XPNPEP1: variants seen among roughly 807,000 people sequenced by gnomAD.
XPNPEP1 encodes the protein xaa-Pro aminopeptidase 1.
XPNPEP1 carries 39 observed loss-of-function variants against 92.4 expected under a neutral mutation model. The ratio of observed to expected loss-of-function variants is 0.42; its 90% confidence interval spans 0.33 to 0.55. XPNPEP1 has a LOEUF of 0.55. Ranked by LOEUF, XPNPEP1 falls within the 20% of genes least tolerant of loss-of-function variation. The pLI, the probability that XPNPEP1 is intolerant of heterozygous loss-of-function variation, is 0.08. For synonymous variants in XPNPEP1, 307 were observed against 299.4 expected (o/e 1.03, Z -0.26); for missense variants, 654 against 856.1 (o/e 0.76, Z 2.95).
chr10:109,870,662 A>G, intron 18 of XPNPEP1, 69 bp downstream of exon 18: 1 of 1,516,496 alleles, frequency 6.6e-7, no homozygotes, highest in Non-Finnish European at 8.8e-7. Flanking sequence ...ATTAAAAAAT[A>G]CAAAACAACG....
At chr10:109,890,151 G>A (rs1341487390) in intron 5 of XPNPEP1, among the ~76,000 whole-genome samples, 1 of 152,144 alleles carries the variant, frequency 6.6e-6, no homozygotes, top group Non-Finnish European at 1.5e-5. Context: ...GAGGAGAGGA[G>A]GACTCACTCC....
Position 109,865,107 on chromosome 10 carries a change from G to C in XPNPEP1, c.*77C>G. ...AGGTAGGGAAGAAGGAAAGGAAAGG[G>C]GAAAGATGTCAGGGATCTGCCACGT... On this transcript the variant is annotated 3_prime_UTR_variant, in exon 21 of 21. Transcript: ENST00000502935. 1.3e-6 allele frequency: 2 copies of C among 1,591,324 alleles called. No homozygotes were observed. Among genetic ancestry groups the C allele is most frequent in the Non-Finnish European group, 1.7e-6 (2 of 1,164,076 alleles).
chr10:109,871,231 C>T (rs1274338606), intron 17 of XPNPEP1, among the ~76,000 whole-genome samples: 1 of 152,034 alleles, frequency 6.6e-6, no homozygotes, highest in East Asian at 1.9e-4. Flanking sequence ...GAGACTCTAA[C>T]CAGACTGCAA....
intron 15 of XPNPEP1, 36 bp downstream of exon 15, chr10:109,875,492 C>A (rs1847736406): frequency 1.2e-6 from 2 of 1,605,086 alleles, no homozygotes; most frequent in African/African-American, 2.7e-5. Context: ...GCCTCGAATC[C>A]ATAGTCAAGT....
At chr10:109,914,868 T>C (rs1384350894) in intron 2 of XPNPEP1, 143 bp downstream of exon 2, 2 of 421,088 alleles carry the variant, frequency 4.7e-6, no homozygotes, top group East Asian at 3.7e-5. Flanking sequence ...AAAAATAAAA[T>C]GGTTTTTAAC....
intron 19 of XPNPEP1, 49 bp from the exon 20 acceptor site, chr10:109,868,761 T>C: frequency 6.5e-7 from 1 of 1,539,634 alleles, no homozygotes; most frequent in Non-Finnish European, 9.0e-7. Flanking sequence ...TTTACTATGC[T>C]GAAGCACCAT....
chr10:109,884,490 A>C, intron 8 of XPNPEP1: 2 of 198,016 alleles, frequency 1.0e-5, no homozygotes, highest in East Asian at 2.5e-4. Flanking sequence ...GAAGCCGACA[A>C]ACCTCTGGCG....
chr10:109,900,454 T>C (rs561268560), intron 3 of XPNPEP1, among the ~76,000 whole-genome samples: 2 of 152,278 alleles, frequency 1.3e-5, no homozygotes, highest in East Asian at 3.9e-4. Context: ...GCCCCAACTA[T>C]GTGGCTCTTC....
intron 5 of XPNPEP1, among the ~76,000 whole-genome samples, chr10:109,889,391 C>T (rs1025064667): frequency 5.3e-5 from 8 of 152,264 alleles, no homozygotes; most frequent in East Asian, 1.9e-4. Context: ...TTAGTAAAGA[C>T]GGGGTTTCAC....
At chr10:109,880,291 A>T in intron 11 of XPNPEP1, 53 bp from the exon 12 acceptor site, 2 of 1,588,074 alleles carry the variant, frequency 1.3e-6, no homozygotes, top group South Asian at 2.2e-5. Flanking sequence ...TCACGTGACC[A>T]GATTCAGAGC....
In XPNPEP1 at chr10:109,884,213, G is replaced by A. The variant is rs987734767; in HGVS notation, c.749-65C>T. The stretch of plus-strand genomic sequence containing the variant: ...AAGATGTTAAGGGGTCGCTTGTAGC[G>A]GGAGGGAAGAGCTTCAGCTTGGAGT... On this transcript the variant is annotated intron_variant, in intron 8 of 20. Transcript: ENST00000502935. The A allele has an allele frequency of 2.5e-5, 38 of 1,504,586 alleles. No individual in the cohort carries two copies. In the East Asian group the frequency reaches 3.4e-4, roughly 14 times the overall value. 93.2% of individuals were successfully genotyped at this position (1,504,586 alleles called of 1,614,324 possible). A position where few individuals can be genotyped will look rare whatever the true frequency, so the allele number is the denominator to read the frequency against.
At chr10:109,898,384 T>C (rs2133477326) in intron 3 of XPNPEP1, among the ~76,000 whole-genome samples, 1 of 152,322 alleles carries the variant, frequency 6.6e-6, no homozygotes, top group Non-Finnish European at 1.5e-5. Flanking sequence ...CAATCGGCAA[T>C]AGTAGACAGA....
At chr10:109,914,958 A>G (rs1850105439) in intron 2 of XPNPEP1, 53 bp downstream of exon 2, 1 of 1,230,320 alleles carries the variant, frequency 8.1e-7, no homozygotes, top group Non-Finnish European at 1.1e-6. Context: ...GTTGGGGTGG[A>G]GATCTAAAAT....
intron 1 of XPNPEP1, among the ~76,000 whole-genome samples, chr10:109,920,796 T>C (rs1385430451): frequency 6.6e-6 from 1 of 152,086 alleles, no homozygotes; most frequent in Non-Finnish European, 1.5e-5. Context: ...TCCTCCCACC[T>C]CAGCCTCCCA....
In XPNPEP1 at chr10:109,891,802, T is replaced by A. The variant is rs1384675230; in HGVS notation, c.335A>T (p.His112Leu). 12 of 1,608,132 alleles carry A rather than the reference T, an allele frequency of 7.5e-6. No individual in the cohort carries two copies. Among genetic ancestry groups the A allele is most frequent in the Non-Finnish European group, 1.0e-5 (12 of 1,178,336 alleles). Residue 112 changes from histidine to leucine, a missense_variant, in exon 5 of 21, where the codon CAT becomes CTT. Physicochemically the swap from His to Leu is moderately conservative, Grantham distance 99. Coordinates refer to ENST00000502935, the MANE Select transcript of XPNPEP1 (RefSeq NM_020383.4). ...SAGTAIITEE[H>L]AAMWTDGRYF... ...GCGCCCGTCAGTCCACATGGCTGCA[T>A]GCTCTTCTGTGATGATGGCTGTGCC...
At chr10:109,869,915 C>T (rs760743367) in intron 19 of XPNPEP1, 38 bp downstream of exon 19, 1 of 1,606,068 alleles carries the variant, frequency 6.2e-7, no homozygotes, top group African/African-American at 1.3e-5. Context: ...GTGATTATTG[C>T]TAATAGAAAC....
intron 3 of XPNPEP1, among the ~76,000 whole-genome samples, chr10:109,896,273 CTTTT>C (rs57532455): frequency 2.2e-5 from 3 of 135,786 alleles, no homozygotes; most frequent in Admixed American, 7.4e-5. Context: ...AGATATTTGT[CTTTT>C]TTTTTTTTTT....
intron 15 of XPNPEP1, among the ~76,000 whole-genome samples, chr10:109,875,002 C>T (rs539948055): frequency 6.6e-6 from 1 of 152,310 alleles, no homozygotes; most frequent in East Asian, 1.9e-4. Flanking sequence ...TATTCTTACT[C>T]CTTCTTTTGG....
intron 1 of XPNPEP1, among the ~76,000 whole-genome samples, chr10:109,920,282 T>G (rs1351420243): frequency 6.6e-6 from 1 of 152,170 alleles, no homozygotes; most frequent in Non-Finnish European, 1.5e-5. Context: ...AAGAAAATGT[T>G]CTAAAATGAT....
Sources: allele counts gnomAD v4.1 joint callset (sites outside exome capture counted in the v4.1 genomes callset), GRCh38; gene constraint gnomAD v4.1.1; transcripts MANE v1.5; gene names NCBI Gene and HGNC (gene_info 2026-07-23, HGNC 2026-07-21).